Variants in BRF1 observed in about 807,000 individuals in gnomAD.
BRF1 encodes the protein transcription factor IIIB 90 kDa subunit.
A neutral mutation model predicts 81.7 loss-of-function variants in BRF1; 59 were observed. The ratio of observed to expected loss-of-function variants is 0.72; its 90% CI spans 0.59 to 0.90. The LOEUF (loss-of-function observed/expected upper bound fraction) is 0.90. Ranked by LOEUF, BRF1 falls within the 40% of genes least tolerant of loss-of-function variation. The pLI is 0.00. For missense variants in BRF1, 1,050 were observed against 936.3 expected (o/e 1.12, Z -1.58); for synonymous variants, 491 against 395.6 (o/e 1.24, Z -2.86).
chr14:105,221,762 A>T lies in BRF1; in HGVS notation c.1201T>A (p.Trp401Arg), dbSNP rs757884349. The T allele has an allele frequency of 2.1e-4, 346 of 1,611,154 alleles. No individual in the cohort carries two copies. Among genetic ancestry groups the T allele is most frequent in the Non-Finnish European group, 2.3e-4 (266 of 1,179,614 alleles). Residue 401 changes from tryptophan to arginine, a missense_variant, in exon 11 of 18, where the codon TGG (tryptophan) becomes AGG (arginine). Around this residue, in one of 2 missense-constraint regions of BRF1, gnomAD observed 1,043 missense variants for 915.4 expected, o/e 1.14. Coordinates refer to ENST00000547530, the MANE Select transcript of BRF1 (RefSeq NM_001519.4). ...CCCAGGGCCGGAGGTCTGCCGCCCC[A>T]CTCGGGGCTTCCTGCTGCTTCCGAG... ...GSSEAAGSPE[W>R]GGRPPALGSL...
intron 5 of BRF1, chr14:105,247,718 G>A (rs1256228281): frequency 3.8e-5 from 37 of 985,362 alleles, no homozygotes; most frequent in Non-Finnish European, 4.3e-5. Context: ...AAGCCTGGCG[G>A]TCCAGGAGGT....
At chr14:105,290,978 A>G (rs1299550168) in intron 1 of BRF1, among the ~76,000 whole-genome samples, 2 of 152,148 alleles carry the variant, frequency 1.3e-5, no homozygotes, top group African/African-American at 4.8e-5. Flanking sequence ...GGGAGGATGA[A>G]AGAGGAAAGT....
At position 105,284,145 on chromosome 14, in the gene BRF1, C is replaced by T. The variant is rs1445979639; in HGVS notation, c.265+2151G>A. ...GCTTCCTGCAGGAAACGCATTCAAG[C>T]GCCCAACACACATGCACGTCCACAA... is the stretch of plus-strand genomic sequence containing the variant. On this transcript the variant is annotated intron_variant, in intron 2 of 17. Transcript: ENST00000547530. This position sits in a 1 kb window ranked among gnomAD's most constrained non-coding sequence, Gnocchi z 4.0. 6.6e-6 allele frequency among the ~76,000 whole-genome samples: 1 copy of T among 152,110 alleles called. No homozygotes were observed. Among genetic ancestry groups the T allele is most frequent in the Non-Finnish European group, 1.5e-5 (1 of 68,026 alleles).
At chr14:105,287,397 G>C (rs2057354620) in intron 1 of BRF1, among the ~76,000 whole-genome samples, 1 of 152,174 alleles carries the variant, frequency 6.6e-6, no homozygotes, top group South Asian at 2.1e-4. Flanking sequence ...CCAAAGATGG[G>C]GAGAGCTGGA....
Position 105,226,754 on chromosome 14 carries a change from C to T in BRF1, c.795G>A (p.Thr265=), listed in dbSNP as rs777910233. ...GACTGGTGGGGGTGTCTTCAAATTC[C>T]GTGAGCCTAAAATGGAGCCAGACAT... is the stretch of plus-strand genomic sequence containing the variant. ...VCESTLRKRL[T]EFEDTPTSQL... Residue 265 remains threonine, a synonymous_variant, in exon 8 of 18, where the codon ACG becomes ACA. Coordinates refer to ENST00000547530, the MANE Select transcript of BRF1 (RefSeq NM_001519.4). The T allele has an allele frequency of 4.3e-6, 7 of 1,613,574 alleles. No individual in the cohort carries two copies. The highest frequency in any genetic ancestry group is 2.2e-5 in the South Asian group (2 of 91,084).
chr14:105,310,952 A>C (rs911464385), intron 1 of BRF1, among the ~76,000 whole-genome samples: 13 of 152,132 alleles, frequency 8.5e-5, no homozygotes, highest in Non-Finnish European at 2.9e-5. Context: ...GCATTTTCAC[A>C]TACATTTTTG....
chr14:105,250,643 C>T lies in BRF1; in HGVS notation c.544+1864G>A, dbSNP rs758947387. On this transcript the variant is annotated intron_variant, in intron 5 of 17. Transcript: ENST00000547530. ...CAACGGGACTGGGGTCCAGGGTGGG[C>T]AGATCCCTGAGCTCATTTTCTATGC... The T allele has an allele frequency of 2.5e-6, 4 of 1,612,278 alleles. No homozygotes were observed. The Admixed American group carries it at 6.7e-5, about 27-fold the overall frequency.
chr14:105,229,567 C>T (rs587664136), intron 6 of BRF1, among the ~76,000 whole-genome samples: 14 of 152,328 alleles, frequency 9.2e-5, no homozygotes, highest in Middle Eastern at 3.4e-3. Context: ...GCACCAAGGG[C>T]AAAGTGAGAG....
intron 2 of BRF1, among the ~76,000 whole-genome samples, chr14:105,279,572 G>A (rs893252245): frequency 2.0e-5 from 3 of 152,270 alleles, no homozygotes; most frequent in Middle Eastern, 6.8e-3. Context: ...ACAAGGCTGC[G>A]GAGCCACTGG....
Position 105,226,164 on chromosome 14 carries a change from G to C in BRF1, c.956-3C>G. The C allele has an allele frequency of 6.2e-7, 1 of 1,613,974 alleles. No individual in the cohort carries two copies. Among genetic ancestry groups the C allele is most frequent in the Non-Finnish European group, 8.5e-7 (1 of 1,180,026 alleles). On this transcript the variant is annotated splice_polypyrimidine_tract_variant and splice_region_variant and intron_variant, in intron 9 of 17. Coordinates refer to ENST00000547530, the MANE Select transcript of BRF1 (RefSeq NM_001519.4). ...ATCCTGGTAACTGGATATTTCACCT[G>C]AAGTCATAAGTTAAAAGCAAAAAGT... is the stretch of plus-strand genomic sequence containing the variant.
At position 105,314,963 on chromosome 14, in the gene BRF1, G is replaced by C. The variant is rs891116850; in HGVS notation, c.-162+359C>G. The C allele has an allele frequency of 5.8e-6, 7 of 1,202,278 alleles. No individual in the cohort carries two copies. Among genetic ancestry groups the C allele is most frequent in the Non-Finnish European group, 7.4e-6 (7 of 948,182 alleles). The allele number at this position is 1,202,278 out of a possible 1,614,324, so 74.5% of individuals were successfully genotyped here. On this transcript the variant is annotated intron_variant, in intron 1 of 17. Transcript: ENST00000327359. The stretch of plus-strand genomic sequence containing the variant: ...TCGGCCTCCCCGGCGCGCCCGGCGC[G>C]CTCAACACGCCCGTGCCCATGAACC...
At chr14:105,228,962 C>A (rs1219772012) in intron 6 of BRF1, 49 bp from the exon 7 acceptor site, 3 of 1,568,518 alleles carry the variant, frequency 1.9e-6, no homozygotes, top group East Asian at 4.5e-5. Context: ...GGAACCAGGG[C>A]AACATCTGTG....
chr14:105,217,419 G>C, intron 15 of BRF1, 125 bp downstream of exon 15: 1 of 1,444,864 alleles, frequency 6.9e-7, no homozygotes, highest in Non-Finnish European at 9.4e-7. Context: ...CATGCAGGTG[G>C]CAAATGCCAC....
rs1176914908 is a variant in BRF1, at chr14:105,265,061, TTTTGTTTGTTTG to T, written c.439+7648_439+7659del. Among the ~76,000 whole-genome samples, 8 of 144,158 alleles carry T rather than the reference TTTTGTTTGTTTG, an allele frequency of 5.5e-5. 1 individual carries two copies. The highest frequency in any genetic ancestry group is 4.4e-4 in the South Asian group (2 of 4,518). The allele number at this position is 144,158 out of a possible 152,430, so 94.6% of individuals were successfully genotyped here. A position where few individuals can be genotyped will look rare whatever the true frequency, so the allele number is the denominator to read the frequency against. On this transcript the variant is annotated intron_variant, in intron 3 of 17. Transcript: ENST00000547530. ...CTACTTATCCTTTTTTTTGTTTTTT[TTTTGTTTGTTTG>T]TTTTTTTAGAGACAGGGTCTCACTC...
intron 14 of BRF1, 129 bp downstream of exon 14, chr14:105,218,869 A>G (rs1891770410): frequency 1.5e-6 from 2 of 1,340,122 alleles, no homozygotes; most frequent in Non-Finnish European, 2.1e-6. Context: ...TCCAGAGCAC[A>G]TGGCCTCCGG....
At chr14:105,267,278 G>C (rs1424009578) in intron 3 of BRF1, among the ~76,000 whole-genome samples, 1 of 152,154 alleles carries the variant, frequency 6.6e-6, no homozygotes, top group Non-Finnish European at 1.5e-5. Context: ...GGTGTTTCCA[G>C]GTCAGCCTTT....
Position 105,269,380 on chromosome 14 carries a change from G to T in BRF1, c.439+3341C>A, listed in dbSNP as rs1595432788. Among the ~76,000 whole-genome samples, 6 of 152,302 alleles carry T rather than the reference G, an allele frequency of 3.9e-5. No individual in the cohort carries two copies. In the South Asian group the frequency reaches 1.2e-3, roughly 32 times the overall value. On this transcript the variant is annotated intron_variant, in intron 3 of 17. Transcript: ENST00000547530. The surrounding 1 kb of genome is among the most constrained non-coding windows in gnomAD (Gnocchi z 5.0). ...CGTGAGCACAGTCCTGTTCCAAGCT[G>T]TCTTGTCCTTAGCAGCTTTATAAGG...
chr14:105,307,698 C>T lies in BRF1; in HGVS notation c.-162+7624G>A, dbSNP rs587666106. Among the ~76,000 whole-genome samples the T allele has an allele frequency of 2.4e-4, 36 of 152,376 alleles. No homozygotes were observed. In the South Asian group the frequency reaches 6.0e-3, roughly 25 times the overall value. Reference sequence around the variant, plus strand: ...CCTGCTGCCTGGCCTTGGGCAAGTGCTTCAATCTCTCTAGGTTTCTACTTC... The same window carrying T: ...CCTGCTGCCTGGCCTTGGGCAAGTGTTTCAATCTCTCTAGGTTTCTACTTC... On this transcript the variant is annotated intron_variant, in intron 1 of 17. Transcript: ENST00000327359.
Position 105,315,059 on chromosome 14 carries a change from T to G in BRF1, c.-162+263A>C. 8.7e-7 allele frequency: 1 copy of G among 1,146,262 alleles called. No individual in the cohort carries two copies. Among genetic ancestry groups the G allele is most frequent in the African/African-American group, 1.7e-5 (1 of 60,198 alleles). 71.0% of individuals were successfully genotyped at this position (1,146,262 alleles called of 1,614,324 possible). On this transcript the variant is annotated intron_variant, in intron 1 of 17. Coordinates refer to the BRF1 transcript ENST00000327359. This position sits in a 1 kb window ranked among gnomAD's most constrained non-coding sequence, Gnocchi z 4.4. ...CCAGGTACGCGCCGCCCGCCGCGCT[T>G]TGTTCCCGCCGGGCACCTGCTGGGG...
Sources: gnomAD v4.1 joint callset for allele counts (sites outside exome capture counted in the v4.1 genomes callset) on GRCh38, gnomAD v4.1.1 for gene constraint, gnomAD v4.1.1 regional missense constraint, Gnocchi (gnomAD v3.1) non-coding constraint, MANE v1.5 for transcripts, NCBI Gene and HGNC (gene_info 2026-07-23, HGNC 2026-07-21) for gene names.